Variants in FBXL20 observed in about 807,000 individuals in gnomAD.
The protein encoded by FBXL20 is F-box/LRR-repeat protein 20.
FBXL20 carries 11 observed loss-of-function variants against 64.0 expected under a neutral mutation model. That is an observed-to-expected ratio of 0.17 (90% CI 0.11 to 0.28). FBXL20 has a LOEUF of 0.28. Among genes scored for constraint, FBXL20 ranks in the 10% least tolerant of loss-of-function variants. FBXL20 has a pLI of 1.00. For missense variants in FBXL20, 303 were observed against 526.2 expected, an observed-to-expected ratio of 0.58 and a Z score of 4.15; for synonymous variants, 184 against 189.0, an observed-to-expected ratio of 0.97 and a Z score of 0.22.
chr17:39,386,783 G>A (rs1197290676), intron 1 of FBXL20, among the ~76,000 whole-genome samples: 1 of 152,058 alleles, frequency 6.6e-6, no homozygotes, highest in Non-Finnish European at 1.5e-5. Flanking sequence ...TTCCACAAAA[G>A]AACACTATTT....
At chr17:39,347,089 A>G (rs1284999694) in intron 1 of FBXL20, among the ~76,000 whole-genome samples, 3 of 152,108 alleles carry the variant, frequency 2.0e-5, no homozygotes, top group Non-Finnish European at 1.5e-5. Context: ...CCAGTCTGTC[A>G]TTGATGGACG....
At chr17:39,306,407 CT>C (rs1379302216) in intron 2 of FBXL20, among the ~76,000 whole-genome samples, 2 of 152,134 alleles carry the variant, frequency 1.3e-5, no homozygotes, top group Non-Finnish European at 2.9e-5. Context: ...CAAGAAATCA[CT>C]GCTAAACTCA....
intron 10 of FBXL20, among the ~76,000 whole-genome samples, chr17:39,274,760 A>G (rs1475747724): frequency 6.6e-6 from 1 of 152,210 alleles, no homozygotes; most frequent in Non-Finnish European, 1.5e-5. Flanking sequence ...CAAGTAGTGG[A>G]ATTTGGGGAT....
intron 1 of FBXL20, among the ~76,000 whole-genome samples, chr17:39,355,262 A>G (rs114756078): frequency 0.011 from 1,631 of 151,676 alleles, 28 homozygotes; most frequent in African/African-American, 0.037. Context: ...CACTATGGCC[A>G]CGCCTGTAAT....
chr17:39,274,793 A>G (rs976514432), intron 10 of FBXL20, among the ~76,000 whole-genome samples, 177 bp downstream of exon 10: 1 of 152,234 alleles, frequency 6.6e-6, no homozygotes, highest in African/African-American at 2.4e-5. Flanking sequence ...GTTCACACCA[A>G]TTACATGAAA....
intron 2 of FBXL20, among the ~76,000 whole-genome samples, chr17:39,331,766 CAT>C (rs2047463727): frequency 6.6e-6 from 1 of 152,244 alleles, no homozygotes; most frequent in South Asian, 2.1e-4. Flanking sequence ...TGTCATCCCA[CAT>C]AGAGAAACTC....
intron 1 of FBXL20, 59 bp from the exon 2 acceptor site, chr17:39,343,300 A>G: frequency 8.0e-7 from 1 of 1,247,666 alleles, no homozygotes; most frequent in Non-Finnish European, 1.1e-6. Flanking sequence ...AGAATGTTCA[A>G]CTCAATAGTT....
At chr17:39,359,606 A>T (rs78016448) in intron 1 of FBXL20, among the ~76,000 whole-genome samples, 1 of 146,142 alleles carries the variant, frequency 6.8e-6, no homozygotes, top group South Asian at 2.1e-4. Flanking sequence ...TCCATCTTGG[A>T]AAAAAAAAAA....
At chr17:39,269,497 C>CT (rs201367539) in intron 11 of FBXL20, among the ~76,000 whole-genome samples, 1 of 124,222 alleles carries the variant, frequency 8.1e-6, no homozygotes, top group African/African-American at 3.3e-5. Flanking sequence ...CCGGCCTTTC[C>CT]TCTTTTTTTT....
At chr17:39,341,889 A>C (rs928961730) in intron 2 of FBXL20, among the ~76,000 whole-genome samples, 1 of 152,212 alleles carries the variant, frequency 6.6e-6, no homozygotes, top group Admixed American at 6.5e-5. Context: ...TAGCTCATCA[A>C]CATGTAGTAG....
chr17:39,290,986 G>C (rs2047033139), intron 6 of FBXL20, among the ~76,000 whole-genome samples: 1 of 149,582 alleles, frequency 6.7e-6, no homozygotes, highest in Admixed American at 6.7e-5. Flanking sequence ...TTTTAAGACA[G>C]AGTGTCGCTC....
intron 2 of FBXL20, among the ~76,000 whole-genome samples, chr17:39,342,000 G>C (rs1297369891): frequency 1.3e-5 from 2 of 152,152 alleles, no homozygotes; most frequent in Non-Finnish European, 2.9e-5. Flanking sequence ...TGGATTTACT[G>C]AACAGCCTTC....
intron 3 of FBXL20, 116 bp from the exon 4 acceptor site, chr17:39,301,191 C>T (rs972134638): frequency 1.1e-5 from 9 of 811,692 alleles, no homozygotes; most frequent in African/African-American, 1.0e-4. Flanking sequence ...AAAAATTTAT[C>T]AGGCCCTATC....
chr17:39,327,072 G>A (rs1447842094), intron 2 of FBXL20, among the ~76,000 whole-genome samples: 1 of 151,972 alleles, frequency 6.6e-6, no homozygotes, highest in African/African-American at 2.4e-5. Context: ...TTTTAGTAGA[G>A]ACAACGTTTC....
At chr17:39,285,696 T>TA in intron 6 of FBXL20, 123 bp from the exon 7 acceptor site, 3 of 446,478 alleles carry the variant, frequency 6.7e-6, no homozygotes, top group Non-Finnish European at 1.1e-5. Context: ...TTCATACCCC[T>TA]AAAAAAGCAG....
At chr17:39,289,902 G>C (rs554673450) in intron 6 of FBXL20, among the ~76,000 whole-genome samples, 2 of 148,456 alleles carry the variant, frequency 1.3e-5, no homozygotes, top group East Asian at 4.0e-4. Flanking sequence ...AGGAAGCTGA[G>C]GCACGAGAAT....
Position 39,343,261 on chromosome 17 carries a change from G to T in FBXL20, c.43-20C>A. ...GAACATCTGCAAAAACAAAATCATAGTGTCAAGTGTTACTTAACATTTTAT... is the reference window on the plus strand; with the variant it reads ...GAACATCTGCAAAAACAAAATCATATTGTCAAGTGTTACTTAACATTTTAT... On this transcript the variant is annotated intron_variant, in intron 1 of 14. Transcript: ENST00000264658. The T allele has an allele frequency of 6.4e-7, 1 of 1,553,962 alleles. No homozygotes were observed. The highest frequency in any genetic ancestry group is 8.8e-7 in the Non-Finnish European group (1 of 1,142,236).
At chr17:39,348,388 G>A (rs993057254) in intron 1 of FBXL20, among the ~76,000 whole-genome samples, 3 of 152,014 alleles carry the variant, frequency 2.0e-5, no homozygotes, top group Admixed American at 1.3e-4. Flanking sequence ...TTGAACCTGG[G>A]AGCGGAGGTT....
At chr17:39,307,212 T>C (rs1243980478) in intron 2 of FBXL20, among the ~76,000 whole-genome samples, 1 of 152,180 alleles carries the variant, frequency 6.6e-6, no homozygotes, top group Non-Finnish European at 1.5e-5. Context: ...GTCCCTACTG[T>C]TGAGTAACTC....
Sources: allele counts gnomAD v4.1 joint callset (sites outside exome capture counted in the v4.1 genomes callset), GRCh38; gene constraint gnomAD v4.1.1; transcripts MANE v1.5; gene names NCBI Gene and HGNC (gene_info 2026-07-23, HGNC 2026-07-21).